Variants in EFHC1 observed in about 807,000 individuals in gnomAD.
EFHC1 encodes EF-hand domain-containing protein 1.
In EFHC1, 53 loss-of-function variants were observed where a neutral mutation model predicts 69.9. That is an observed-to-expected ratio of 0.76 (90% CI 0.61 to 0.95). EFHC1 has a LOEUF of 0.95. Ranked by LOEUF, EFHC1 falls within the 40% of genes least tolerant of loss-of-function variation. The pLI, the probability that EFHC1 is intolerant of heterozygous loss-of-function variation, is 0.00. For synonymous variants in EFHC1, 256 were observed against 278.4 expected (o/e 0.92, Z 0.80); for missense variants, 739 against 798.7 (o/e 0.93, Z 0.90).
intron 7 of EFHC1, among the ~76,000 whole-genome samples, chr6:52,471,275 T>C (rs1765430119): frequency 6.6e-6 from 1 of 152,230 alleles, no homozygotes; most frequent in South Asian, 2.1e-4. Context: ...GAAGGGACTG[T>C]TGTCTGGCTT....
In EFHC1 at chr6:52,497,073, G is replaced by GCAT. The variant is rs1003294372; in HGVS notation, c.*4735_*4737dup. The GCAT allele has an allele frequency of 1.3e-5, 2 of 152,148 alleles. No homozygotes were observed. The highest frequency in any genetic ancestry group is 4.8e-5 in the African/African-American group (2 of 41,416). 9.4% of individuals were successfully genotyped at this position (152,148 alleles called of 1,614,324 possible). ...GCTAAATAACATCATAGTATAGTAG[G>GCAT]CATCAAGGATGATGTGCTTGTTTCT... On this transcript the variant is annotated 3_prime_UTR_variant, in exon 11 of 11. Coordinates refer to ENST00000371068, the MANE Select transcript of EFHC1 (RefSeq NM_018100.4).
rs969386061 is a variant in EFHC1 at position 52,494,691 on chromosome 6, C to A, written c.*2350C>A. On this transcript the variant is annotated 3_prime_UTR_variant, in exon 11 of 11. Coordinates refer to ENST00000371068, the MANE Select transcript of EFHC1 (RefSeq NM_018100.4). ...GTAAGTAGTTTTTCCACACATACCCCCTCCTTCCCTTCCCACTCTGGTAGT... is the reference window on the plus strand; with the variant it reads ...GTAAGTAGTTTTTCCACACATACCCACTCCTTCCCTTCCCACTCTGGTAGT... 2 of 453,974 alleles carry A rather than the reference C, an allele frequency of 4.4e-6. No individual in the cohort carries two copies. Among genetic ancestry groups the A allele is most frequent in the Non-Finnish European group, 4.4e-6 (1 of 226,766 alleles). The allele number at this position is 453,974 out of a possible 1,614,324, so 28.1% of individuals were successfully genotyped here. A position where few individuals can be genotyped will look rare whatever the true frequency, so the allele number is the denominator to read the frequency against.
In EFHC1 at chr6:52,452,943, C is replaced by T. The variant is rs190021570; in HGVS notation, c.723+106C>T. ...TATTGGTAACTATTTTGAAACATTA[C>T]AGCTATAATTGAACTGTTTGGACAC... On this transcript the variant is annotated intron_variant, in intron 4 of 10. Transcript: ENST00000371068. 2.8e-3 allele frequency: 4,438 copies of T among 1,600,516 alleles called. 12 individuals carry two copies. The highest frequency in any genetic ancestry group is 3.5e-3 in the Non-Finnish European group (4,083 of 1,178,842).
intron 7 of EFHC1, among the ~76,000 whole-genome samples, chr6:52,472,640 A>T (rs1765461995): frequency 1.5e-5 from 2 of 136,748 alleles, no homozygotes; most frequent in Admixed American, 7.7e-5. Flanking sequence ...TCTTTATCAT[A>T]CAAGAGATAT....
Position 52,479,215 on chromosome 6 carries a change from G to A in EFHC1, c.1457G>A (p.Gly486Asp), listed in dbSNP as rs1407316128. The A allele has an allele frequency of 1.9e-6, 3 of 1,613,932 alleles. No homozygotes were observed. The highest frequency in any genetic ancestry group is 2.7e-5 in the African/African-American group (2 of 74,890). The change falls in exon 8 of 11, where the codon GGC (glycine) becomes GAC (aspartate). Residue 486 changes from glycine to aspartate, a missense_variant. Physicochemically the swap from Gly to Asp is moderately conservative, Grantham distance 94. Coordinates refer to ENST00000371068, the MANE Select transcript of EFHC1 (RefSeq NM_018100.4). ...ACAGTGGACAACCCTGTCTACTATG[G>A]CCCCAGTGACTTCTTCATTGGTGCT... ...YSTVDNPVYYGPSDFFIGAVI... is the reference protein window; with the variant it reads ...YSTVDNPVYYDPSDFFIGAVI...
chr6:52,472,700 GATATGTAAT>G (rs1765465314), intron 7 of EFHC1, among the ~76,000 whole-genome samples: 2 of 149,364 alleles, frequency 1.3e-5, no homozygotes, highest in African/African-American at 5.0e-5. Context: ...ACATACAAGA[GATATGTAAT>G]ATCTTTTACA....
chr6:52,448,783 C>T (rs1256571189), intron 3 of EFHC1, among the ~76,000 whole-genome samples: 2 of 152,232 alleles, frequency 1.3e-5, no homozygotes, highest in Middle Eastern at 3.4e-3. Flanking sequence ...TATGTGGTTT[C>T]TGTCTCTAGT....
At chr6:52,450,782 T>G (rs755924753) in intron 3 of EFHC1, among the ~76,000 whole-genome samples, 4 of 151,984 alleles carry the variant, frequency 2.6e-5, no homozygotes, top group Non-Finnish European at 5.9e-5. Flanking sequence ...ATTGTGGTTT[T>G]TTTGTTTGTT....
chr6:52,472,739 C>A (rs920457388), intron 7 of EFHC1, among the ~76,000 whole-genome samples: 2 of 147,604 alleles, frequency 1.4e-5, no homozygotes, highest in African/African-American at 5.2e-5. Context: ...TATGTAATAT[C>A]TTTTACATAC....
At position 52,423,958 on chromosome 6, in the gene EFHC1, C is replaced by T. The variant is rs375322518; in HGVS notation, c.76C>T (p.His26Tyr). 8.1e-6 allele frequency: 13 copies of T among 1,613,810 alleles called. No individual in the cohort carries two copies. Among genetic ancestry groups the T allele is most frequent in the African/African-American group, 2.7e-5 (2 of 74,794 alleles). The stretch of plus-strand genomic sequence containing the variant: ...TTTTCTTCTTCAGAAAACAGCCTTC[C>T]ACAGAAGTCAGACGCTGAGCTACAG... ...SFKDSTKTAFHRSQTLSYRNG... is the reference protein window; with the variant it reads ...SFKDSTKTAFYRSQTLSYRNG... Residue 26 changes from histidine to tyrosine, a missense_variant, in exon 2 of 11, where the codon CAC (histidine) becomes TAC (tyrosine). Physicochemically the swap from His to Tyr is moderately conservative, Grantham distance 83. Transcript: ENST00000371068.
chr6:52,471,878 A>C (rs1042900391), intron 7 of EFHC1, among the ~76,000 whole-genome samples: 1 of 151,664 alleles, frequency 6.6e-6, no homozygotes, highest in African/African-American at 2.4e-5. Flanking sequence ...AAAATAAAAT[A>C]AAATAAATAA....
At position 52,420,441 on chromosome 6, in the gene EFHC1, T is replaced by C; in HGVS notation, c.31T>C (p.Phe11Leu). MVSNPVHGLP[F>L]LPGTSFKDST... ...GTCCAATCCCGTGCATGGCTTGCCC[T>C]TTCTTCCGGGCACGTCCTTTAAGGA... is the stretch of plus-strand genomic sequence containing the variant. Residue 11 changes from phenylalanine (F) to leucine (L), a missense_variant, in exon 1 of 11, where the codon TTT (phenylalanine) becomes CTT (leucine). Phe to Leu is a conservative substitution (Grantham distance 22). Coordinates refer to ENST00000371068, the MANE Select transcript of EFHC1 (RefSeq NM_018100.4). 1 of 1,614,240 alleles carries C rather than the reference T, an allele frequency of 6.2e-7. No homozygotes were observed. Among genetic ancestry groups the C allele is most frequent in the Non-Finnish European group, 8.5e-7 (1 of 1,180,042 alleles).
At chr6:52,463,277 C>T (rs1432554148) in intron 5 of EFHC1, among the ~76,000 whole-genome samples, 1 of 151,770 alleles carries the variant, frequency 6.6e-6, no homozygotes, top group Non-Finnish European at 1.5e-5. Flanking sequence ...CCACCTCGGC[C>T]TCCCAAAGTG....
At chr6:52,471,136 C>T (rs894290433) in intron 7 of EFHC1, among the ~76,000 whole-genome samples, 12 of 152,206 alleles carry the variant, frequency 7.9e-5, no homozygotes, top group Non-Finnish European at 1.2e-4. Flanking sequence ...TTCATTTTTC[C>T]GCTAGGCGTG....
In EFHC1 at chr6:52,479,069, AT is replaced by A. The variant is rs796052421; in HGVS notation, c.1314del (p.Phe438LeufsTer7). 1 of 1,614,014 alleles carries A rather than the reference AT, an allele frequency of 6.2e-7. No homozygotes were observed. Among genetic ancestry groups the A allele is most frequent in the South Asian group, 1.1e-5 (1 of 91,076 alleles). ...CCATCCCAGAAGACAAAGACCGCAG[AT>A]TTGTCTTCTCTTACTTTCTAGCTAC... Reference protein sequence around the residue: ...SPIPEDKDRRFVFSYFLATDM... With the variant: ...SPIPEDKDRRXVFSYFLATDM... On this transcript the variant is annotated frameshift_variant, in exon 8 of 11. Transcript: ENST00000371068. LOFTEE classifies it high-confidence loss of function.
intron 2 of EFHC1, among the ~76,000 whole-genome samples, chr6:52,426,151 T>G (rs1764296123): frequency 6.6e-6 from 1 of 152,234 alleles, no homozygotes; most frequent in African/African-American, 2.4e-5. Context: ...TGTGATGCCT[T>G]TAAGCAAGAT....
rs190790877 is a variant in EFHC1 at position 52,421,170 on chromosome 6, T to C, written c.63+697T>C. Reference sequence around the variant, plus strand: ...GTCCCATCCTCTCCCCATTCCTTTCTTTCTCCGTTGCGGGTTTTCCCCAAA... The same window carrying C: ...GTCCCATCCTCTCCCCATTCCTTTCCTTCTCCGTTGCGGGTTTTCCCCAAA... On this transcript the variant is annotated intron_variant, in intron 1 of 10. Transcript: ENST00000371068. 1,389 of 536,108 alleles carry C rather than the reference T, an allele frequency of 2.6e-3. 16 individuals are homozygous for C. In the African/African-American group the frequency reaches 0.026, roughly 10 times the overall value. The allele number at this position is 536,108 out of a possible 1,614,324, so 33.2% of individuals were successfully genotyped here.
At position 52,467,220 on chromosome 6, in the gene EFHC1, G is replaced by A. The variant is rs912591220; in HGVS notation, c.1137+2105G>A. 6.9e-5 allele frequency among the ~76,000 whole-genome samples: 10 copies of A among 145,042 alleles called. No homozygotes were observed. The East Asian group carries it at 2.0e-3, about 29-fold the overall frequency. The stretch of plus-strand genomic sequence containing the variant: ...TTTTTAAGACAGGGTCTTGCTCTGT[G>A]TCCCAGGCTGGAGTGCAGTGGTGCA... On this transcript the variant is annotated intron_variant, in intron 6 of 10. Coordinates refer to ENST00000371068, the MANE Select transcript of EFHC1 (RefSeq NM_018100.4).
intron 9 of EFHC1, among the ~76,000 whole-genome samples, chr6:52,481,249 G>A (rs1366748135): frequency 6.6e-6 from 1 of 152,150 alleles, no homozygotes; most frequent in Admixed American, 6.5e-5. Flanking sequence ...TTTGGCCTGA[G>A]GAACAGGAAG....
Sources: gnomAD v4.1 joint callset for allele counts (sites outside exome capture counted in the v4.1 genomes callset) on GRCh38, gnomAD v4.1.1 for gene constraint, MANE v1.5 for transcripts, NCBI Gene and HGNC (gene_info 2026-07-23, HGNC 2026-07-21) for gene names.